The following EML5 variants were observed in gnomAD, a reference collection of about 807,000 sequenced individuals.
EML5 encodes echinoderm microtubule-associated protein-like 5.
A neutral mutation model predicts 250.0 loss-of-function variants in EML5; 120 were observed. The ratio of observed to expected loss-of-function variants is 0.48; its 90% CI spans 0.41 to 0.56. The LOEUF (loss-of-function observed/expected upper bound fraction) is 0.56, where lower values mean the gene tolerates loss of function less well. Among genes scored for constraint, EML5 ranks in the 20% least tolerant of loss-of-function variants. The pLI is 0.00. For synonymous variants in EML5, 771 were observed against 806.5 expected, an observed-to-expected ratio of 0.96 and a Z score of 0.75; for missense variants, 2,006 against 2,437.6, an observed-to-expected ratio of 0.82 and a Z score of 3.73.
chr14:88,687,709 C>T (rs756853090), intron 18 of EML5, among the ~76,000 whole-genome samples: 1 of 151,660 alleles, frequency 6.6e-6, no homozygotes, highest in African/African-American at 2.4e-5. Flanking sequence ...TATAAACAGC[C>T]GATTTTTGAC....
At chr14:88,663,144 T>G (rs1365895785) in intron 23 of EML5, 25 bp from the exon 24 acceptor site, 1 of 1,470,274 alleles carries the variant, frequency 6.8e-7, no homozygotes, top group Non-Finnish European at 9.2e-7. Flanking sequence ...TTAAAAATAT[T>G]TACACATATA....
chr14:88,654,557 C>T (rs906708183), intron 27 of EML5, among the ~76,000 whole-genome samples: 4 of 152,170 alleles, frequency 2.6e-5, no homozygotes, highest in Non-Finnish European at 5.9e-5. Flanking sequence ...AATTCAGGAG[C>T]AGGTTGTTCA....
intron 17 of EML5, among the ~76,000 whole-genome samples, chr14:88,689,785 G>C (rs2092917363): frequency 2.0e-5 from 3 of 152,080 alleles, no homozygotes; most frequent in African/African-American, 7.2e-5. Context: ...TACATGCCAG[G>C]CACTATTCAA....
rs1184466992 is a variant in EML5 at position 88,792,686 on chromosome 14, G to A, written c.-183C>T. On this transcript the variant is annotated 5_prime_UTR_variant, in exon 1 of 44. Coordinates refer to ENST00000554922, the MANE Select transcript of EML5 (RefSeq NM_183387.3). This position sits in a 1 kb window ranked among gnomAD's most constrained non-coding sequence, Gnocchi z 6.9. ...CGCCGCCTCAGCCCACAGGCGGGAG[G>A]AAAACCCTCGCCTCGCGGAACATGC... The A allele has an allele frequency of 7.1e-6, 8 of 1,132,544 alleles. No individual in the cohort carries two copies. The highest frequency in any genetic ancestry group is 8.6e-6 in the Non-Finnish European group (8 of 925,428). 70.2% of individuals were successfully genotyped at this position (1,132,544 alleles called of 1,614,324 possible).
intron 17 of EML5, among the ~76,000 whole-genome samples, chr14:88,690,712 T>C (rs2092936640): frequency 6.6e-6 from 1 of 152,178 alleles, no homozygotes; most frequent in Non-Finnish European, 1.5e-5. Flanking sequence ...CGAAATCACA[T>C]CACACTTTTA....
intron 1 of EML5, among the ~76,000 whole-genome samples, chr14:88,762,690 C>G (rs2094262383): frequency 6.6e-6 from 1 of 152,104 alleles, no homozygotes. Flanking sequence ...CTCTCCACCC[C>G]AAATCAACAG....
intron 14 of EML5, among the ~76,000 whole-genome samples, chr14:88,701,083 T>C (rs17124827): frequency 0.059 from 8,911 of 152,196 alleles, 703 homozygotes; most frequent in African/African-American, 0.17. Flanking sequence ...TCGATTCTAC[T>C]GGGCAAAATT....
chr14:88,699,371 G>A (rs2093156286), intron 14 of EML5, among the ~76,000 whole-genome samples: 1 of 151,578 alleles, frequency 6.6e-6, no homozygotes, highest in Admixed American at 6.6e-5. Flanking sequence ...TAAATGCCTT[G>A]AATTGCATTG....
chr14:88,740,452 G>C lies in EML5; in HGVS notation c.646C>G (p.Leu216Val). The C allele has an allele frequency of 6.2e-7, 1 of 1,613,766 alleles. No homozygotes were observed. Among genetic ancestry groups the C allele is most frequent in the Non-Finnish European group, 8.5e-7 (1 of 1,179,794 alleles). The change falls in exon 5 of 44, where the codon CTC becomes GTC. Residue 216 changes from leucine to valine, a missense_variant. Physicochemically the swap from Leu to Val is conservative, Grantham distance 32. Coordinates refer to ENST00000554922, the MANE Select transcript of EML5 (RefSeq NM_183387.3). ...TTCCAAACATATATATCCCCATTGA[G>C]TGCACCAGAATATGTTAATTCATCC... ...ARDELTYSGA[L>V]NGDIYVWKGI...
intron 37 of EML5, chr14:88,622,141 C>T (rs1284132594): frequency 1.1e-5 from 2 of 188,162 alleles, no homozygotes; most frequent in South Asian, 1.1e-4. Context: ...TCTTTCTGTG[C>T]CTGGCTTATT....
At chr14:88,691,787 G>C (rs2092964459) in intron 17 of EML5, among the ~76,000 whole-genome samples, 1 of 152,164 alleles carries the variant, frequency 6.6e-6, no homozygotes, top group Non-Finnish European at 1.5e-5. Context: ...AGTGGTTAAT[G>C]AACTCTGTGG....
At chr14:88,741,803 T>A (rs1566735297) in intron 4 of EML5, among the ~76,000 whole-genome samples, 1 of 152,058 alleles carries the variant, frequency 6.6e-6, no homozygotes, top group Non-Finnish European at 1.5e-5. Context: ...AAAGAAAAAA[T>A]TCAACTTTGT....
intron 1 of EML5, among the ~76,000 whole-genome samples, chr14:88,761,731 C>T (rs772314985): frequency 5.7e-4 from 87 of 152,152 alleles, no homozygotes; most frequent in Non-Finnish European, 1.2e-3. Context: ...ATTCTTGGGT[C>T]AAACGGTATT....
At chr14:88,723,561 A>G (rs901357154) in intron 8 of EML5, among the ~76,000 whole-genome samples, 1 of 152,198 alleles carries the variant, frequency 6.6e-6, no homozygotes, top group African/African-American at 2.4e-5. Context: ...ATAATAATGT[A>G]GAATATACTT....
rs2092883305 is a variant in EML5 at position 88,688,333 on chromosome 14, A to C, written c.2680T>G (p.Phe894Val). The change falls in exon 18 of 44, where the codon TTT becomes GTT. Residue 894 changes from phenylalanine (F) to valine (V), a missense_variant. Phe to Val is a conservative substitution (Grantham distance 50). Coordinates refer to ENST00000554922, the MANE Select transcript of EML5 (RefSeq NM_183387.3). ...TGCGCTTTCACTGTTTTTACAAGAA[A>C]GATGTCTCTCCAGATACACACATCT... ...TGDVCIWRDI[F>V]LVKTVKAHDG... 6.2e-7 allele frequency: 1 copy of C among 1,613,996 alleles called. No individual in the cohort carries two copies. Among genetic ancestry groups the C allele is most frequent in the East Asian group, 2.2e-5 (1 of 44,874 alleles).
At chr14:88,760,741 TGAAGA>T (rs1447044298) in intron 1 of EML5, among the ~76,000 whole-genome samples, 6 of 152,212 alleles carry the variant, frequency 3.9e-5, no homozygotes, top group Non-Finnish European at 8.8e-5. Context: ...TAAAAAACTT[TGAAGA>T]GAAGTGACAT....
intron 20 of EML5, among the ~76,000 whole-genome samples, chr14:88,683,961 C>T (rs1012123756): frequency 6.6e-6 from 1 of 151,916 alleles, no homozygotes; most frequent in Non-Finnish European, 1.5e-5. Flanking sequence ...CTAGTCAAGA[C>T]TATTGGACAA....
chr14:88,745,167 T>TTGTTTGTTTGTGTG (rs148282706), intron 3 of EML5, among the ~76,000 whole-genome samples: 7,511 of 145,182 alleles, frequency 0.052, 315 homozygotes, highest in East Asian at 0.16. Context: ...AATTGTGTGT[T>TTGTTTGTTTGTGTG]TGTGTGTGTG....
rs1369343049 is a variant in EML5 at position 88,710,649 on chromosome 14, C to T, written c.1657+1622G>A. ...CCATTAAAAATGCAGTAGTCGTATT[C>T]TGTCTTTCCCACTTACCTAGCTACA... On this transcript the variant is annotated intron_variant, in intron 10 of 43. Coordinates refer to ENST00000554922, the MANE Select transcript of EML5 (RefSeq NM_183387.3). Among the ~76,000 whole-genome samples the T allele has an allele frequency of 2.0e-5, 3 of 152,142 alleles. No individual in the cohort carries two copies. In the East Asian group the frequency reaches 5.8e-4, roughly 29 times the overall value.
Sources: gnomAD v4.1 joint callset for allele counts (sites outside exome capture counted in the v4.1 genomes callset) on GRCh38, gnomAD v4.1.1 for gene constraint, Gnocchi (gnomAD v3.1) non-coding constraint, MANE v1.5 for transcripts, NCBI Gene and HGNC (gene_info 2026-07-23, HGNC 2026-07-21) for gene names.